DISP1: variants seen among roughly 807,000 people sequenced by gnomAD.
DISP1 encodes dispatched RND transporter family member 1.
DISP1 carries 30 observed loss-of-function variants against 37.3 expected under a neutral mutation model. The ratio of observed to expected loss-of-function variants is 0.80; its 90% CI spans 0.60 to 1.09. The LOEUF (loss-of-function observed/expected upper bound fraction) is 1.09. Ranked by LOEUF, DISP1 falls within the 50% of genes least tolerant of loss-of-function variation. The probability of loss-of-function intolerance (pLI) is 0.00; values close to 1 mark genes in which losing one functional copy is unlikely to be tolerated. For synonymous variants in DISP1, 634 were observed against 690.2 expected (o/e 0.92, Z 1.28); for missense variants, 1,598 against 1,879.5 (o/e 0.85, Z 2.77).
intron 1 of DISP1, among the ~76,000 whole-genome samples, chr1:222,851,857 T>C (rs1030099689): frequency 2.0e-5 from 3 of 151,876 alleles, no homozygotes; most frequent in African/African-American, 7.3e-5. Context: ...AAGCTAATTG[T>C]CCAGTAGAAA....
chr1:222,934,952 T>C (rs1673629259), intron 2 of DISP1, among the ~76,000 whole-genome samples: 1 of 152,186 alleles, frequency 6.6e-6, no homozygotes, highest in Non-Finnish European at 1.5e-5. Flanking sequence ...TGGGCCTTTA[T>C]TTCTGTCAAC....
intron 1 of DISP1, among the ~76,000 whole-genome samples, chr1:222,881,422 C>G (rs1016783047): frequency 9.2e-5 from 14 of 152,226 alleles, no homozygotes; most frequent in African/African-American, 3.1e-4. Context: ...CTGAAAACCC[C>G]CGTCTTCAGG....
At chr1:222,873,832 A>G (rs905963802) in intron 1 of DISP1, among the ~76,000 whole-genome samples, 1 of 152,052 alleles carries the variant, frequency 6.6e-6, no homozygotes, top group African/African-American at 2.4e-5. Context: ...TTAGCTGGTT[A>G]TTTTGCTCAT....
At chr1:222,835,574 T>C (rs1306319437) in intron 1 of DISP1, among the ~76,000 whole-genome samples, 1 of 152,226 alleles carries the variant, frequency 6.6e-6, no homozygotes, top group Non-Finnish European at 1.5e-5. Context: ...AGCTTGTTAC[T>C]GGAGTAGGAA....
intron 3 of DISP1, among the ~76,000 whole-genome samples, chr1:222,980,339 G>A (rs1054536227): frequency 1.3e-5 from 2 of 152,118 alleles, no homozygotes; most frequent in African/African-American, 4.8e-5. Context: ...GGCACAGAGA[G>A]AAACTTACAA....
intron 1 of DISP1, among the ~76,000 whole-genome samples, chr1:222,853,631 A>G (rs1668392274): frequency 6.6e-6 from 1 of 152,188 alleles, no homozygotes; most frequent in South Asian, 2.1e-4. Flanking sequence ...AAGTGAAATA[A>G]GCCAGGAACA....
chr1:222,883,889 C>T (rs1670423354), intron 1 of DISP1, among the ~76,000 whole-genome samples: 1 of 152,188 alleles, frequency 6.6e-6, no homozygotes, highest in African/African-American at 2.4e-5. Flanking sequence ...AAATAGAAGG[C>T]ATTCCATTTA....
intron 1 of DISP1, among the ~76,000 whole-genome samples, chr1:222,909,409 T>A (rs1017201624): frequency 6.6e-6 from 1 of 152,216 alleles, no homozygotes; most frequent in African/African-American, 2.4e-5. Context: ...AAGTAAAACC[T>A]ATATGCCACT....
At chr1:222,917,161 G>A (rs1672539520) in intron 1 of DISP1, among the ~76,000 whole-genome samples, 1 of 152,190 alleles carries the variant, frequency 6.6e-6, no homozygotes, top group African/African-American at 2.4e-5. Flanking sequence ...TTGCTCACTA[G>A]AAGCAAGGAG....
chr1:222,945,441 T>A (rs1267203501), intron 3 of DISP1, among the ~76,000 whole-genome samples: 1 of 152,242 alleles, frequency 6.6e-6, no homozygotes, highest in Non-Finnish European at 1.5e-5. Flanking sequence ...TTGCAAAGTA[T>A]GAAATAAGAT....
chr1:222,908,542 C>T (rs1363591164), intron 1 of DISP1, among the ~76,000 whole-genome samples: 1 of 152,024 alleles, frequency 6.6e-6, no homozygotes, highest in Non-Finnish European at 1.5e-5. Context: ...ATTACAGGCG[C>T]CCACCACCAT....
At chr1:222,915,530 A>T (rs760991819) in intron 1 of DISP1, among the ~76,000 whole-genome samples, 5 of 152,248 alleles carry the variant, frequency 3.3e-5, no homozygotes, top group Non-Finnish European at 7.3e-5. Flanking sequence ...GGTCATTAGA[A>T]TTCTTGGTCA....
At chr1:222,867,102 T>TTC (rs1669236432) in intron 1 of DISP1, among the ~76,000 whole-genome samples, 1 of 152,230 alleles carries the variant, frequency 6.6e-6, no homozygotes, top group Non-Finnish European at 1.5e-5. Flanking sequence ...GGTAAAAAGC[T>TTC]ATTGAATGAA....
At chr1:222,974,704 A>G (rs1677190191) in intron 3 of DISP1, among the ~76,000 whole-genome samples, 1 of 152,190 alleles carries the variant, frequency 6.6e-6, no homozygotes, top group African/African-American at 2.4e-5. Flanking sequence ...GACAGAGACC[A>G]TAAACATTGA....
intron 1 of DISP1, among the ~76,000 whole-genome samples, chr1:222,843,688 G>C (rs1029670923): frequency 3.3e-5 from 5 of 152,082 alleles, no homozygotes; most frequent in African/African-American, 1.2e-4. Flanking sequence ...CTTGAGTTCT[G>C]TAAAAGTCCA....
intron 1 of DISP1, among the ~76,000 whole-genome samples, chr1:222,927,186 T>A (rs1043728116): frequency 1.3e-5 from 2 of 152,006 alleles, no homozygotes; most frequent in African/African-American, 2.4e-5. Context: ...TTTCTCCATG[T>A]CCTTGACAAC....
chr1:222,921,528 G>A (rs1672808610), intron 1 of DISP1, among the ~76,000 whole-genome samples: 1 of 152,142 alleles, frequency 6.6e-6, no homozygotes, highest in East Asian at 1.9e-4. Flanking sequence ...ACTGAGAAAA[G>A]GGTGAAAGCT....
At chr1:222,945,352 C>T (rs2125499736) in intron 3 of DISP1, among the ~76,000 whole-genome samples, 1 of 152,078 alleles carries the variant, frequency 6.6e-6, no homozygotes, top group East Asian at 1.9e-4. Flanking sequence ...TAGACTCTTT[C>T]CATTTTGAAT....
intron 1 of DISP1, among the ~76,000 whole-genome samples, chr1:222,895,524 A>G (rs1193967869): frequency 2.0e-5 from 3 of 152,220 alleles, no homozygotes; most frequent in Non-Finnish European, 2.9e-5. Context: ...AATGCTGGGA[A>G]TACATCAGTA....
Sources: allele counts gnomAD v4.1 joint callset (sites outside exome capture counted in the v4.1 genomes callset), GRCh38; gene constraint gnomAD v4.1.1; transcripts MANE v1.5; gene names NCBI Gene and HGNC (gene_info 2026-07-23, HGNC 2026-07-21).